Variants in TNIK observed in about 807,000 individuals in gnomAD.
TNIK encodes TRAF2 and NCK-interacting protein kinase.
TNIK carries 49 observed loss-of-function variants against 191.3 expected under a neutral mutation model. The observed-to-expected ratio is 0.26, with a 90% CI of 0.20 to 0.32. The LOEUF (loss-of-function observed/expected upper bound fraction) is 0.32. Among genes scored for constraint, TNIK ranks in the 10% least tolerant of loss-of-function variants. The pLI, the probability that TNIK is intolerant of heterozygous loss-of-function variation, is 1.00. For synonymous variants in TNIK, 594 were observed against 600.9 expected (o/e 0.99, Z 0.17); for missense variants, 1,155 against 1,702.3 (o/e 0.68, Z 5.66).
At chr3:171,218,828 TA>T (rs1428890683) in intron 3 of TNIK, among the ~76,000 whole-genome samples, 3 of 137,160 alleles carry the variant, frequency 2.2e-5, no homozygotes, top group Non-Finnish European at 4.6e-5. Context: ...TTATATATTA[TA>T]AATATATATT....
intron 1 of TNIK, among the ~76,000 whole-genome samples, chr3:171,415,648 C>T (rs986043181): frequency 1.3e-4 from 19 of 151,918 alleles, no homozygotes; most frequent in Non-Finnish European, 2.5e-4. Context: ...ACAACTGTTA[C>T]AATAGTTACA....
At chr3:171,433,350 G>C (rs1490941989) in intron 1 of TNIK, among the ~76,000 whole-genome samples, 3 of 152,082 alleles carry the variant, frequency 2.0e-5, no homozygotes, top group African/African-American at 4.8e-5. Context: ...GCTTTCAAGT[G>C]ATACAGCAAA....
intron 1 of TNIK, among the ~76,000 whole-genome samples, chr3:171,372,606 C>T (rs962252332): frequency 2.6e-5 from 4 of 152,200 alleles, no homozygotes; most frequent in Non-Finnish European, 4.4e-5. Context: ...ACTTTGCATC[C>T]CATCTCCATT....
chr3:171,280,532 T>C (rs146728062), intron 2 of TNIK, among the ~76,000 whole-genome samples: 1 of 152,336 alleles, frequency 6.6e-6, no homozygotes, highest in East Asian at 1.9e-4. Flanking sequence ...TACTATATTG[T>C]TGGTCAATAA....
At chr3:171,451,148 G>A (rs1728122734) in intron 1 of TNIK, among the ~76,000 whole-genome samples, 1 of 152,166 alleles carries the variant, frequency 6.6e-6, no homozygotes, top group Admixed American at 6.5e-5. Flanking sequence ...AGCCAACAGG[G>A]TATTGCAGAA....
At chr3:171,383,231 G>A (rs982650464) in intron 1 of TNIK, among the ~76,000 whole-genome samples, 1 of 152,176 alleles carries the variant, frequency 6.6e-6, no homozygotes, top group African/African-American at 2.4e-5. Flanking sequence ...AGGTGCCTAC[G>A]TTCACAAGGC....
At chr3:171,117,489 T>C (rs545215787) in intron 18 of TNIK, among the ~76,000 whole-genome samples, 1 of 18,062 alleles carries the variant, frequency 5.5e-5, no homozygotes, top group Non-Finnish European at 1.2e-4. Context: ...ACTGCTTAAA[T>C]TAGTAAATAC....
intron 2 of TNIK, among the ~76,000 whole-genome samples, chr3:171,334,781 A>G (rs1387902642): frequency 6.6e-6 from 1 of 152,180 alleles, no homozygotes; most frequent in Non-Finnish European, 1.5e-5. Context: ...CAAACACTCC[A>G]GTAATTTCCT....
Position 171,194,609 on chromosome 3 carries a change from G to A in TNIK, c.333C>T (p.Gly111=). 6.2e-7 allele frequency: 1 copy of A among 1,613,790 alleles called. No individual in the cohort carries two copies. The highest frequency in any genetic ancestry group is 8.5e-7 in the Non-Finnish European group (1 of 1,179,830). ...TGTTCTTGATCAGGTCGGTGACAGA[G>A]CCAGCACCACAAAACTCCATCACCA... The part of the protein sequence containing the change: ...LWLVMEFCGA[G]SVTDLIKNTK... Residue 111 remains glycine (G), a synonymous_variant, in exon 5 of 33, where the codon GGC becomes GGT. Coordinates refer to ENST00000436636, the MANE Select transcript of TNIK (RefSeq NM_015028.4).
chr3:171,059,944 A>C lies in TNIK; in HGVS notation c.*3937T>G, dbSNP rs1717676724. On this transcript the variant is annotated 3_prime_UTR_variant, in exon 33 of 33. Coordinates refer to ENST00000436636, the MANE Select transcript of TNIK (RefSeq NM_015028.4). ...TAAAGAGCATAGTAGCATCATTCAGAATTGTTATCAGCATGCTGTGGATTT... is the reference window on the plus strand; with the variant it reads ...TAAAGAGCATAGTAGCATCATTCAGCATTGTTATCAGCATGCTGTGGATTT... Among the ~76,000 whole-genome samples, 1 of 152,204 alleles carries C rather than the reference A, an allele frequency of 6.6e-6. No homozygotes were observed. Among genetic ancestry groups the C allele is most frequent in the Admixed American group, 6.5e-5 (1 of 15,278 alleles).
intron 2 of TNIK, among the ~76,000 whole-genome samples, chr3:171,354,432 C>T (rs1452717165): frequency 3.3e-5 from 5 of 152,098 alleles, no homozygotes; most frequent in African/African-American, 1.2e-4. Flanking sequence ...TCCAGGACCT[C>T]GGAGGGCCAA....
intron 2 of TNIK, among the ~76,000 whole-genome samples, chr3:171,263,833 C>T (rs934794385): frequency 1.5e-4 from 23 of 151,512 alleles, no homozygotes; most frequent in African/African-American, 5.6e-4. Context: ...AACCCTTAAA[C>T]TGAGACTTGG....
intron 4 of TNIK, among the ~76,000 whole-genome samples, chr3:171,198,758 C>G (rs34614951): frequency 0.05 from 7,648 of 152,206 alleles, 283 homozygotes; most frequent in Middle Eastern, 0.1. Context: ...AAGAAAGTCC[C>G]ATTATATAGC....
At chr3:171,301,030 A>G (rs1752819013) in intron 2 of TNIK, among the ~76,000 whole-genome samples, 1 of 152,142 alleles carries the variant, frequency 6.6e-6, no homozygotes, top group African/African-American at 2.4e-5. Flanking sequence ...TCCTCAAAAT[A>G]TTACCCCATG....
chr3:171,314,844 G>A (rs1335909429), intron 2 of TNIK, among the ~76,000 whole-genome samples: 6 of 152,050 alleles, frequency 3.9e-5, no homozygotes, highest in Admixed American at 2.6e-4. Flanking sequence ...AGGTCAGGCC[G>A]CACCCCATAC....
chr3:171,386,457 G>A (rs964493396), intron 1 of TNIK, among the ~76,000 whole-genome samples: 2 of 150,860 alleles, frequency 1.3e-5, no homozygotes, highest in Admixed American at 1.3e-4. Context: ...CAAATTTCTG[G>A]TTTGCAGTGG....
chr3:171,223,399 C>A (rs1228394341), intron 3 of TNIK, among the ~76,000 whole-genome samples: 1 of 152,052 alleles, frequency 6.6e-6, no homozygotes, highest in African/African-American at 2.4e-5. Flanking sequence ...CCATTTTTTT[C>A]ATCTTTAAAT....
chr3:171,272,017 G>T (rs1430086256), intron 2 of TNIK, among the ~76,000 whole-genome samples: 1 of 152,156 alleles, frequency 6.6e-6, no homozygotes, highest in Non-Finnish European at 1.5e-5. Context: ...TTCTTTCTGG[G>T]AAGTTCAGGA....
intron 5 of TNIK, among the ~76,000 whole-genome samples, chr3:171,191,617 G>A (rs756831704): frequency 6.6e-6 from 1 of 152,232 alleles, no homozygotes; most frequent in Non-Finnish European, 1.5e-5. Context: ...TACCCATTGT[G>A]CCTTACATTT....
Sources: allele counts gnomAD v4.1 joint callset (sites outside exome capture counted in the v4.1 genomes callset), GRCh38; gene constraint gnomAD v4.1.1; transcripts MANE v1.5; gene names NCBI Gene and HGNC (gene_info 2026-07-23, HGNC 2026-07-21).